FARSB: variants seen among roughly 807,000 people sequenced by gnomAD.
The protein encoded by FARSB is phenylalanyl-tRNA synthetase subunit beta, also known as phenylalanine--tRNA ligase beta subunit.
In FARSB, 40 loss-of-function variants were observed where a neutral mutation model predicts 69.6. The ratio of observed to expected loss-of-function variants is 0.57; its 90% confidence interval spans 0.45 to 0.75. FARSB has a LOEUF of 0.75. Among genes scored for constraint, FARSB ranks in the 30% least tolerant of loss-of-function variants. The pLI, the probability that FARSB is intolerant of heterozygous loss-of-function variation, is 0.00. For synonymous variants in FARSB, 235 were observed against 247.2 expected (o/e 0.95, Z 0.46); for missense variants, 632 against 722.9 (o/e 0.87, Z 1.44).
intron 16 of FARSB, among the ~76,000 whole-genome samples, chr2:222,572,485 GT>G (rs1689742081): frequency 6.6e-6 from 1 of 152,174 alleles, no homozygotes; most frequent in South Asian, 2.1e-4. Flanking sequence ...CATTTGCTCT[GT>G]ACAACTCTTC....
At position 222,566,910 on chromosome 2, in the gene FARSB, A is replaced by G. The variant is rs1689645891; in HGVS notation, c.*4961T>C. 6.6e-6 allele frequency: 1 copy of G among 152,228 alleles called. No individual in the cohort carries two copies. Among genetic ancestry groups the G allele is most frequent in the South Asian group, 2.1e-4 (1 of 4,828 alleles). 9.4% of individuals were successfully genotyped at this position (152,228 alleles called of 1,614,324 possible). On this transcript the variant is annotated 3_prime_UTR_variant, in exon 17 of 17. Coordinates refer to ENST00000281828, the MANE Select transcript of FARSB (RefSeq NM_005687.5). The stretch of plus-strand genomic sequence containing the variant: ...GACTATAGGCTGGGTGGCTTCAATA[A>G]AAGAATTTTATTTCTCACAGTTCTG...
In FARSB at chr2:222,639,682, C is replaced by G; in HGVS notation, c.353G>C (p.Arg118Pro). 1 of 1,541,668 alleles carries G rather than the reference C, an allele frequency of 6.5e-7. No homozygotes were observed. Among genetic ancestry groups the G allele is most frequent in the Non-Finnish European group, 8.8e-7 (1 of 1,130,428 alleles). ...GAGAACTGCTGCTACCGCAAAAGGA[C>G]GTATCTTAGCTGTCTGAAATTCATA... is the stretch of plus-strand genomic sequence containing the variant. ...LIITEETAKI[R>P]PFAVAAVLRN... The change falls in exon 5 of 17, where the codon CGT (arginine) becomes CCT (proline). Residue 118 changes from arginine (R) to proline (P), a missense_variant. By Grantham distance (103) the Arg-to-Pro change is moderately radical. Coordinates refer to ENST00000281828, the MANE Select transcript of FARSB (RefSeq NM_005687.5).
chr2:222,585,209 T>G (rs1232001727), intron 16 of FARSB, among the ~76,000 whole-genome samples: 1 of 152,340 alleles, frequency 6.6e-6, no homozygotes, highest in South Asian at 2.1e-4. Context: ...CAGCCTCCGC[T>G]GGTGATACCC....
At chr2:222,626,243 C>CAAAAAAAAA (rs36117232) in intron 10 of FARSB, among the ~76,000 whole-genome samples, 1 of 56,976 alleles carries the variant, frequency 1.8e-5, no homozygotes, top group Non-Finnish European at 3.3e-5. Context: ...GACTCCATCT[C>CAAAAAAAAA]AAAAAAAAAA....
chr2:222,647,197 T>C (rs1691887545), intron 2 of FARSB, among the ~76,000 whole-genome samples: 3 of 152,142 alleles, frequency 2.0e-5, no homozygotes, highest in Admixed American at 6.5e-5. Flanking sequence ...TTCCAGGACA[T>C]AATGATGCAG....
At chr2:222,653,332 T>C (rs1286820473) in intron 1 of FARSB, among the ~76,000 whole-genome samples, 1 of 149,580 alleles carries the variant, frequency 6.7e-6, no homozygotes, top group African/African-American at 2.5e-5. Flanking sequence ...GAATTTCAAA[T>C]AGAAAGCAAC....
intron 14 of FARSB, among the ~76,000 whole-genome samples, chr2:222,616,249 T>C (rs1009138416): frequency 2.0e-5 from 3 of 152,000 alleles, no homozygotes; most frequent in Non-Finnish European, 4.4e-5. Context: ...TATAAATCAA[T>C]GTCAATGTAT....
chr2:222,575,082 A>C (rs1399760366), intron 16 of FARSB, among the ~76,000 whole-genome samples: 1 of 152,230 alleles, frequency 6.6e-6, no homozygotes, highest in Non-Finnish European at 1.5e-5. Context: ...AACAAGGGAG[A>C]TATAGCTGAC....
intron 14 of FARSB, 110 bp from the exon 15 acceptor site, chr2:222,614,038 C>T: frequency 1.8e-6 from 1 of 556,274 alleles, no homozygotes; most frequent in Non-Finnish European, 3.2e-6. Context: ...GAAGACACTT[C>T]TGGAAAATGC....
chr2:222,601,636 A>G (rs1015037811), intron 15 of FARSB, among the ~76,000 whole-genome samples: 2 of 152,140 alleles, frequency 1.3e-5, no homozygotes, highest in Non-Finnish European at 2.9e-5. Context: ...AAACTAAAAC[A>G]AACTTACAAA....
At chr2:222,633,682 CAAAAAA>C (rs10596934) in intron 6 of FARSB, among the ~76,000 whole-genome samples, 1 of 88,218 alleles carries the variant, frequency 1.1e-5, no homozygotes, top group Non-Finnish European at 2.2e-5. Context: ...AACTCCGTCT[CAAAAAA>C]AAAAAAAAAA....
chr2:222,623,704 A>T lies in FARSB; in HGVS notation c.1197T>A (p.Leu399=), dbSNP rs765597737. ...NQFPLNKLTE[L]LRHDMAAAGF... is the part of the protein sequence containing the mutation. Reference sequence around the variant, plus strand: ...CAGCGGCTGCCATGTCATGTCGGAGAAGTTCAGTGAGCTTATTAAGAGGAA... The same window carrying T: ...CAGCGGCTGCCATGTCATGTCGGAGTAGTTCAGTGAGCTTATTAAGAGGAA... The change falls in exon 13 of 17, where the codon CTT becomes CTA. Residue 399 remains leucine (L), a synonymous_variant. Coordinates refer to ENST00000281828, the MANE Select transcript of FARSB (RefSeq NM_005687.5). The T allele has an allele frequency of 1.2e-6, 2 of 1,611,560 alleles. No individual in the cohort carries two copies. Among genetic ancestry groups the T allele is most frequent in the South Asian group, 2.2e-5 (2 of 90,974 alleles).
intron 16 of FARSB, among the ~76,000 whole-genome samples, chr2:222,581,430 G>C (rs1015173940): frequency 6.6e-6 from 1 of 152,106 alleles, no homozygotes; most frequent in Non-Finnish European, 1.5e-5. Flanking sequence ...CATCCCCACT[G>C]CCCCAAAAGT....
At chr2:222,611,507 G>A (rs561538228) in intron 15 of FARSB, among the ~76,000 whole-genome samples, 35 of 152,182 alleles carry the variant, frequency 2.3e-4, no homozygotes, top group African/African-American at 3.1e-4. Flanking sequence ...AGTGTAGTTA[G>A]TGTAAACATA....
At chr2:222,612,587 C>A (rs1296885523) in intron 15 of FARSB, among the ~76,000 whole-genome samples, 1 of 152,242 alleles carries the variant, frequency 6.6e-6, no homozygotes, top group African/African-American at 2.4e-5. Context: ...CTTTTGTCAA[C>A]TGATTCAAAA....
At chr2:222,630,206 CTATAAA>C (rs770755314) in intron 8 of FARSB, 32 bp from the exon 9 acceptor site, 7 of 1,090,810 alleles carry the variant, frequency 6.4e-6, no homozygotes, top group East Asian at 2.6e-5. Flanking sequence ...ATATAGTAAT[CTATAAA>C]TATATTCTCT....
At chr2:222,616,609 TG>T (rs1470506313) in intron 14 of FARSB, among the ~76,000 whole-genome samples, 1 of 148,724 alleles carries the variant, frequency 6.7e-6, no homozygotes, top group East Asian at 2.0e-4. Context: ...ATATGTGAGG[TG>T]ATTAAGGAAT....
Position 222,611,590 on chromosome 2 carries a change from G to A in FARSB, c.1462+2221C>T, listed in dbSNP as rs564195555. Among the ~76,000 whole-genome samples the A allele has an allele frequency of 7.2e-4, 109 of 152,160 alleles. 2 individuals carry two copies. Among genetic ancestry groups the A allele is most frequent in the African/African-American group, 2.4e-3 (99 of 41,512 alleles). ...GGCCTCCCAAAGTGCTGGGATTACAGGCATGAACCAACACACCTGGCCACC... is the reference window on the plus strand; with the variant it reads ...GGCCTCCCAAAGTGCTGGGATTACAAGCATGAACCAACACACCTGGCCACC... On this transcript the variant is annotated intron_variant, in intron 15 of 16. Transcript: ENST00000281828.
At chr2:222,594,229 C>G (rs1406412221) in intron 16 of FARSB, among the ~76,000 whole-genome samples, 2 of 151,414 alleles carry the variant, frequency 1.3e-5, no homozygotes, top group Admixed American at 1.3e-4. Flanking sequence ...GGCAACACAG[C>G]AAGACCCTGT....
Sources: allele counts gnomAD v4.1 joint callset (sites outside exome capture counted in the v4.1 genomes callset), GRCh38; gene constraint gnomAD v4.1.1; transcripts MANE v1.5; gene names NCBI Gene and HGNC (gene_info 2026-07-23, HGNC 2026-07-21).